Variants in LRRK1 observed in about 807,000 individuals in gnomAD.
The protein encoded by LRRK1 is leucine rich repeat kinase 1.
LRRK1 carries 113 observed loss-of-function variants against 209.1 expected under a neutral mutation model. The ratio of observed to expected loss-of-function variants is 0.54; its 90% confidence interval spans 0.46 to 0.63. The LOEUF (loss-of-function observed/expected upper bound fraction) is 0.63. LRRK1 is among the 30% of genes least tolerant of loss of function. The pLI, the probability that LRRK1 is intolerant of heterozygous loss-of-function variation, is 0.00. For synonymous variants in LRRK1, 1,144 were observed against 1,099.7 expected, an observed-to-expected ratio of 1.04 and a Z score of -0.80; for missense variants, 2,284 against 2,632.2, an observed-to-expected ratio of 0.87 and a Z score of 2.89.
At position 101,075,360 on chromosome 15, in the gene LRRK1, C is replaced by A. The variant is rs1314263348; in HGVS notation, c.*6512C>A. On this transcript the variant is annotated 3_prime_UTR_variant, in exon 34 of 34. Transcript: ENST00000388948. ...GACTATTCCTGGGCTACAGCCACAC[C>A]TCATTACTGCCCTTCTTCCCAATCC... is the stretch of plus-strand genomic sequence containing the variant. 1 of 112,874 alleles carries A rather than the reference C, an allele frequency of 8.9e-6. No homozygotes were observed. The highest frequency in any genetic ancestry group is 1.8e-5 in the Non-Finnish European group (1 of 55,170). The allele number at this position is 112,874 out of a possible 1,614,324, so 7.0% of individuals were successfully genotyped here.
intron 3 of LRRK1, among the ~76,000 whole-genome samples, chr15:100,976,417 C>T (rs1161936158): frequency 1.3e-5 from 2 of 152,190 alleles, no homozygotes; most frequent in African/African-American, 4.8e-5. Flanking sequence ...AGATGGTACA[C>T]ATATGTAAAG....
chr15:101,003,576 G>T (rs2032803710), intron 6 of LRRK1, among the ~76,000 whole-genome samples: 1 of 152,176 alleles, frequency 6.6e-6, no homozygotes. Flanking sequence ...CAGCAGGCAA[G>T]AGAGAGAATG....
At chr15:101,049,176 C>A (rs1003541760) in intron 22 of LRRK1, among the ~76,000 whole-genome samples, 2 of 152,042 alleles carry the variant, frequency 1.3e-5, no homozygotes, top group African/African-American at 4.8e-5. Context: ...ATGATAAACA[C>A]CCAAGATTAT....
At chr15:101,028,435 C>T (rs1383672414) in intron 19 of LRRK1, among the ~76,000 whole-genome samples, 3 of 152,200 alleles carry the variant, frequency 2.0e-5, no homozygotes, top group Admixed American at 6.5e-5. Flanking sequence ...AGCGTTTCAG[C>T]ACTTCACTAG....
intron 22 of LRRK1, 156 bp from the exon 23 acceptor site, chr15:101,049,488 C>A: frequency 1.3e-6 from 1 of 762,706 alleles, no homozygotes; most frequent in Non-Finnish European, 2.0e-6. Flanking sequence ...GGGCCACGCA[C>A]ACGTACATAC....
intron 3 of LRRK1, 90 bp downstream of exon 3, chr15:100,974,057 C>A: frequency 9.3e-7 from 1 of 1,080,026 alleles, no homozygotes; most frequent in Non-Finnish European, 1.2e-6. Flanking sequence ...ATTGTCATAA[C>A]GGTAATGGGC....
At chr15:101,061,031 C>A in intron 29 of LRRK1, 140 bp from the exon 30 acceptor site, 2 of 689,202 alleles carry the variant, frequency 2.9e-6, no homozygotes, top group East Asian at 2.5e-5. Flanking sequence ...GAACCCGGCT[C>A]TGCCCTCTCA....
At chr15:100,922,699 C>G (rs2042040107) in intron 1 of LRRK1, among the ~76,000 whole-genome samples, 1 of 152,156 alleles carries the variant, frequency 6.6e-6, no homozygotes, top group African/African-American at 2.4e-5. Flanking sequence ...TCAGGTTTTG[C>G]TATTTATAAG....
At chr15:101,055,417 G>A (rs1227826179) in intron 27 of LRRK1, among the ~76,000 whole-genome samples, 194 bp downstream of exon 27, 2 of 152,142 alleles carry the variant, frequency 1.3e-5, no homozygotes, top group African/African-American at 4.8e-5. Context: ...CTGTCTGCTT[G>A]TAGCAAAGTT....
chr15:101,008,250 G>A (rs1164963478), intron 6 of LRRK1, among the ~76,000 whole-genome samples: 1 of 151,804 alleles, frequency 6.6e-6, no homozygotes, highest in African/African-American at 2.4e-5. Flanking sequence ...TCCTAGGCAG[G>A]TCACTGTGGG....
chr15:100,990,085 T>G lies in LRRK1; in HGVS notation c.762+687T>G, dbSNP rs111355263. On this transcript the variant is annotated intron_variant, in intron 6 of 33. Coordinates refer to ENST00000388948, the MANE Select transcript of LRRK1 (RefSeq NM_024652.6). ...AGGGATCTTTTCACATCCTTCCACA[T>G]GCAATGCTATAAAAACATTTACAAA... Among the ~76,000 whole-genome samples the G allele has an allele frequency of 9.7e-3, 1,484 of 152,330 alleles. 30 individuals are homozygous for G. Among genetic ancestry groups the G allele is most frequent in the African/African-American group, 0.034 (1,419 of 41,582 alleles).
chr15:101,022,086 A>C lies in LRRK1; in HGVS notation c.1852+129A>C, dbSNP rs1278050529. 1.5e-6 allele frequency: 1 copy of C among 680,020 alleles called. No individual in the cohort carries two copies. 42.1% of individuals were successfully genotyped at this position (680,020 alleles called of 1,614,324 possible). On this transcript the variant is annotated intron_variant, in intron 14 of 33. Coordinates refer to ENST00000388948, the MANE Select transcript of LRRK1 (RefSeq NM_024652.6). The surrounding 1 kb of genome is among the most constrained non-coding windows in gnomAD (Gnocchi z 4.0). ...CCAGCTCCAGGTTCCAGATTTGACA[A>C]GATGCTATAAAATTGTCCCTAAAGC...
rs1309225587 is a variant in LRRK1 at position 101,055,169 on chromosome 15, C to T, written c.4278C>T (p.Gly1426=). The T allele has an allele frequency of 3.1e-6, 5 of 1,608,362 alleles. No homozygotes were observed. Among genetic ancestry groups the T allele is most frequent in the Non-Finnish European group, 1.7e-6 (2 of 1,176,976 alleles). ...ATGAGGGCGCCCTAGGCGTGGAGGG[C>T]ACTCCTGGCTACCAGGCCCCAGAGA... ...SFHEGALGVE[G]TPGYQAPEIR... The change falls in exon 27 of 34, where the codon GGC becomes GGT. Residue 1426 remains glycine, a synonymous_variant. Coordinates refer to ENST00000388948, the MANE Select transcript of LRRK1 (RefSeq NM_024652.6).
intron 29 of LRRK1, 68 bp from the exon 30 acceptor site, chr15:101,061,102 GC>G: frequency 8.3e-7 from 1 of 1,208,508 alleles, no homozygotes; most frequent in East Asian, 2.3e-5. Flanking sequence ...CAGCTGGCAG[GC>G]CAGGCTCAGG....
At chr15:100,930,154 C>G (rs2042183594) in intron 2 of LRRK1, among the ~76,000 whole-genome samples, 1 of 152,340 alleles carries the variant, frequency 6.6e-6, no homozygotes, top group Admixed American at 6.5e-5. Context: ...CTGTGGGGCT[C>G]TCTTTGCACC....
chr15:101,028,848 T>G (rs1202839583), intron 19 of LRRK1, 108 bp from the exon 20 acceptor site: 6 of 1,217,072 alleles, frequency 4.9e-6, no homozygotes, highest in Non-Finnish European at 5.8e-6. Flanking sequence ...TGTTGGTTTC[T>G]TCTCAGGAAT....
intron 6 of LRRK1, among the ~76,000 whole-genome samples, chr15:101,006,980 GC>G (rs1265345087): frequency 1.3e-5 from 2 of 152,296 alleles, no homozygotes; most frequent in Non-Finnish European, 1.5e-5. Flanking sequence ...ATCCAGTGCC[GC>G]CCTTCCCTTT....
At position 101,071,861 on chromosome 15, in the gene LRRK1, A is replaced by G. The variant is rs1438502902; in HGVS notation, c.*3013A>G. On this transcript the variant is annotated 3_prime_UTR_variant, in exon 34 of 34. Coordinates refer to ENST00000388948, the MANE Select transcript of LRRK1 (RefSeq NM_024652.6). ...CCTGCAGCCTGCACCAGGAGGTACA[A>G]TGTGAGACTGAGGAATGGGAAGAAG... is the stretch of plus-strand genomic sequence containing the variant. 4.6e-5 allele frequency: 7 copies of G among 152,262 alleles called. No individual in the cohort carries two copies. The highest frequency in any genetic ancestry group is 1.7e-4 in the African/African-American group (7 of 41,454). The allele number at this position is 152,262 out of a possible 1,614,324, so 9.4% of individuals were successfully genotyped here.
chr15:101,000,680 C>T (rs1244560748), intron 6 of LRRK1, among the ~76,000 whole-genome samples: 1 of 152,178 alleles, frequency 6.6e-6, no homozygotes, highest in Non-Finnish European at 1.5e-5. Flanking sequence ...GCTGTCTTCT[C>T]CCTGTGTCTT....
Sources: allele counts gnomAD v4.1 joint callset (sites outside exome capture counted in the v4.1 genomes callset), GRCh38; gene constraint gnomAD v4.1.1; non-coding constraint Gnocchi (gnomAD v3.1); transcripts MANE v1.5; gene names NCBI Gene and HGNC (gene_info 2026-07-23, HGNC 2026-07-21).